The following NBPF6 variants were observed in gnomAD, a reference collection of about 807,000 sequenced individuals.
NBPF6 encodes the protein NBPF member 6.
A neutral mutation model predicts 20.8 loss-of-function variants in NBPF6; 2 were observed. The ratio of observed to expected loss-of-function variants is 0.10; its 90% CI spans 0.04 to 0.30. The LOEUF is 0.30. Ranked by LOEUF, NBPF6 falls within the 10% of genes least tolerant of loss-of-function variation. The pLI is 1.00. For missense variants in NBPF6, 85 were observed against 260.3 expected (o/e 0.33, Z 4.63); for synonymous variants, 24 against 100.0 (o/e 0.24, Z 4.53).
In NBPF6 at chr1:108,459,058, AAAAGC is replaced by A. The variant is rs1653006935; in HGVS notation, c.982_986del (p.Gln328Ter). 7 of 453,088 alleles carry A rather than the reference AAAAGC, an allele frequency of 1.5e-5. No individual in the cohort carries two copies. The highest frequency in any genetic ancestry group is 2.8e-5 in the Non-Finnish European group (7 of 249,974). The allele number at this position is 453,088 out of a possible 1,614,324, so 28.1% of individuals were successfully genotyped here. On this transcript the variant is annotated frameshift_variant and splice_region_variant, in exon 9 of 15. Coordinates refer to ENST00000495380, the MANE Select transcript of NBPF6 (RefSeq NM_001143988.2). LOFTEE classifies it high-confidence loss of function. ...TGGTCTTCTCTTAATTTATTTACAGAAAAGCAAAGTGATCTTGAAGAGGTGAAAGG... is the reference window on the plus strand; with the variant it reads ...TGGTCTTCTCTTAATTTATTTACAGAAAAGTGATCTTGAAGAGGTGAAAGG...
In NBPF6 at chr1:108,471,024, A is replaced by T. The variant is rs4084018; in HGVS notation, c.*386A>T. The T allele has an allele frequency of 6.8e-3, 1,193 of 175,764 alleles. 20 individuals carry two copies. Among genetic ancestry groups the T allele is most frequent in the African/African-American group, 0.027 (1,125 of 42,228 alleles). The allele number at this position is 175,764 out of a possible 1,614,324, so 10.9% of individuals were successfully genotyped here. On this transcript the variant is annotated 3_prime_UTR_variant, in exon 15 of 15. Transcript: ENST00000495380. ...GCTGAAAACGTTTAGCCTGAGTTTCATAGGAGGTAACCCTCAGATAACTGC... is the reference window on the plus strand; with the variant it reads ...GCTGAAAACGTTTAGCCTGAGTTTCTTAGGAGGTAACCCTCAGATAACTGC...
At chr1:108,465,524 G>A in intron 13 of NBPF6, 100 bp downstream of exon 13, 1 of 408,982 alleles carries the variant, frequency 2.4e-6, no homozygotes, top group South Asian at 2.4e-5. Flanking sequence ...TGCTTCCTCA[G>A]GGTCAAGTTG....
the NBPF6 span, among the ~76,000 whole-genome samples, chr1:108,442,642 CATT>C: frequency 7.6e-6 from 1 of 131,270 alleles, no homozygotes; most frequent in Non-Finnish European, 1.6e-5. Flanking sequence ...TATTCAATAT[CATT>C]AGTCACTAGG....
Position 108,471,773 on chromosome 1 carries a change from A to G in NBPF6, c.*1135A>G, listed in dbSNP as rs556831277. On this transcript the variant is annotated 3_prime_UTR_variant, in exon 15 of 15. Coordinates refer to ENST00000495380, the MANE Select transcript of NBPF6 (RefSeq NM_001143988.2). The stretch of plus-strand genomic sequence containing the variant: ...TTAAAGTTAAAATGTTAAAGTTTTA[A>G]ATCACTTTAATTAAATTTTTTTGCC... Among the ~76,000 whole-genome samples, 1 of 152,350 alleles carries G rather than the reference A, an allele frequency of 6.6e-6. No homozygotes were observed. The highest frequency in any genetic ancestry group is 6.5e-5 in the Admixed American group (1 of 15,302).
intron 14 of NBPF6, among the ~76,000 whole-genome samples, chr1:108,468,156 G>A (rs1653251674): frequency 6.6e-6 from 1 of 151,404 alleles, no homozygotes; most frequent in Non-Finnish European, 1.5e-5. Flanking sequence ...TTGTTCCTCT[G>A]AATGAGAAGT....
chr1:108,471,009 T>G lies in NBPF6; in HGVS notation c.*371T>G, dbSNP rs2995754. ...CAATGCCATGTTCTTGCTGAAAACG[T>G]TTAGCCTGAGTTTCATAGGAGGTAA... On this transcript the variant is annotated 3_prime_UTR_variant, in exon 15 of 15. Coordinates refer to ENST00000495380, the MANE Select transcript of NBPF6 (RefSeq NM_001143988.2). 1 of 180,070 alleles carries G rather than the reference T, an allele frequency of 5.6e-6. No homozygotes were observed. The allele number at this position is 180,070 out of a possible 1,614,324, so 11.2% of individuals were successfully genotyped here.
the NBPF6 span, among the ~76,000 whole-genome samples, chr1:108,437,807 A>G: frequency 7.5e-5 from 2 of 26,814 alleles, no homozygotes; most frequent in Admixed American, 4.6e-4. Flanking sequence ...AGGGGAGGGG[A>G]GGAGAGGGAG....
At chr1:108,436,607 A>AG in the NBPF6 span, among the ~76,000 whole-genome samples, 2 of 60,702 alleles carry the variant, frequency 3.3e-5, no homozygotes, top group East Asian at 1.1e-3. Flanking sequence ...AAAAAAAAAA[A>AG]AAAAAAGAAA....
chr1:108,449,431 T>C (rs1362150589), upstream of NBPF6, among the ~76,000 whole-genome samples: 3 of 11,894 alleles, frequency 2.5e-4, no homozygotes, highest in African/African-American at 3.5e-4. Context: ...TATATATATA[T>C]ATATATATAT....
chr1:108,470,076 TCTGTTGTAAAATGTGGA>T, intron 14 of NBPF6, among the ~76,000 whole-genome samples: 1 of 83,002 alleles, frequency 1.2e-5, no homozygotes, highest in African/African-American at 5.2e-5. Flanking sequence ...TCACTACTCC[TCTGTTGTAAAATGTGGA>T]CCTGGACGTG....
rs1340692358 is a variant in NBPF6, at chr1:108,465,327, G to T, written c.1563G>T (p.Gly521=). 5.4e-6 allele frequency: 6 copies of T among 1,121,274 alleles called. 1 individual carries two copies. Among genetic ancestry groups the T allele is most frequent in the Non-Finnish European group, 7.3e-6 (6 of 820,756 alleles). The allele number at this position is 1,121,274 out of a possible 1,614,324, so 69.5% of individuals were successfully genotyped here. A position where few individuals can be genotyped will look rare whatever the true frequency, so the allele number is the denominator to read the frequency against. Residue 521 remains glycine, a synonymous_variant, in exon 13 of 15, where the codon GGG becomes GGT. Coordinates refer to ENST00000495380, the MANE Select transcript of NBPF6 (RefSeq NM_001143988.2). Reference sequence around the variant, plus strand: ...GTCTGCGACTACAGCTGGATCAAGGGTTCCACTGTGGGAACGGCTTGGCCC... The same window carrying T: ...GTCTGCGACTACAGCTGGATCAAGGTTTCCACTGTGGGAACGGCTTGGCCC... The part of the protein sequence containing the change: ...PSCLRLQLDQ[G]FHCGNGLAQR...
chr1:108,436,625 A>G, the NBPF6 span, among the ~76,000 whole-genome samples: 3 of 72,244 alleles, frequency 4.2e-5, no homozygotes, highest in African/African-American at 1.2e-4. Flanking sequence ...AAAAGAAAAG[A>G]AAAAAAGATT....
chr1:108,467,518 C>G lies in NBPF6; in HGVS notation c.1728C>G (p.Gly576=), dbSNP rs1653199666. ...PPQLEDDALE[G]SASNTQGRQV... is the part of the protein sequence containing the mutation. The stretch of plus-strand genomic sequence containing the variant: ...AGCTGGAAGATGATGCACTTGAAGG[C>G]TCAGCAAGCAACACACAAGGGCGTC... Residue 576 remains glycine (G), a synonymous_variant, in exon 14 of 15, where the codon GGC becomes GGG. Transcript: ENST00000495380. The G allele has an allele frequency of 6.5e-7, 1 of 1,548,394 alleles. No individual in the cohort carries two copies. The highest frequency in any genetic ancestry group is 2.0e-5 in the Admixed American group (1 of 50,862).
At position 108,465,244 on chromosome 1, in the gene NBPF6, C is replaced by T. The variant is rs531923017; in HGVS notation, c.1480C>T (p.Arg494Trp). ...GTWSGDLSHH[R>W]SEVQISQAQL... ...TTGGAGTGGAGACTTGAGCCACCAC[C>T]GGTCAGAGGTTCAAATTTCACAGGC... Residue 494 changes from arginine (R) to tryptophan (W), a missense_variant, in exon 13 of 15, where the codon CGG (arginine) becomes TGG (tryptophan). Arg to Trp is a moderately radical substitution (Grantham distance 101). Coordinates refer to ENST00000495380, the MANE Select transcript of NBPF6 (RefSeq NM_001143988.2). 69 of 1,195,836 alleles carry T rather than the reference C, an allele frequency of 5.8e-5. 22 individuals carry two copies. The Middle Eastern group carries it at 2.0e-3, about 34-fold the overall frequency. 74.1% of individuals were successfully genotyped at this position (1,195,836 alleles called of 1,614,324 possible).
the NBPF6 span, among the ~76,000 whole-genome samples, chr1:108,435,907 C>T: frequency 7.0e-5 from 6 of 86,142 alleles, no homozygotes; most frequent in South Asian, 3.7e-4. Context: ...CAGGATACAA[C>T]GTCAATATAC....
In NBPF6 at chr1:108,471,302, A is replaced by C. The variant is rs1377706260; in HGVS notation, c.*664A>C. On this transcript the variant is annotated 3_prime_UTR_variant, in exon 15 of 15. Transcript: ENST00000495380. ...CTCTGGCTCAATGGTCTACATTCTGAAGTTATCTGAAAATGTCGTCATGAT... is the reference window on the plus strand; with the variant it reads ...CTCTGGCTCAATGGTCTACATTCTGCAGTTATCTGAAAATGTCGTCATGAT... Among the ~76,000 whole-genome samples the C allele has an allele frequency of 6.6e-6, 1 of 152,132 alleles. No individual in the cohort carries two copies. The highest frequency in any genetic ancestry group is 1.5e-5 in the Non-Finnish European group (1 of 68,018).
At chr1:108,448,394 A>G (rs895884856), upstream of NBPF6, among the ~76,000 whole-genome samples, 2 of 149,344 alleles carry the variant, frequency 1.3e-5, no homozygotes, top group Admixed American at 6.6e-5. Flanking sequence ...CAAGTCTCAT[A>G]TTTCTCTTGT....
chr1:108,428,319 C>CT, the NBPF6 span, among the ~76,000 whole-genome samples: 2 of 13,300 alleles, frequency 1.5e-4, no homozygotes, highest in African/African-American at 3.0e-4. Context: ...TATTTCTTTT[C>CT]TTTTTTTTTT....
upstream of NBPF6, among the ~76,000 whole-genome samples, chr1:108,447,969 G>T (rs1454006175): frequency 2.0e-5 from 3 of 146,772 alleles, no homozygotes; most frequent in Non-Finnish European, 4.5e-5. Context: ...AAAATATCAA[G>T]TCCAGGGCAT....
Sources: allele counts gnomAD v4.1 joint callset (sites outside exome capture counted in the v4.1 genomes callset), GRCh38; gene constraint gnomAD v4.1.1; transcripts MANE v1.5; gene names NCBI Gene and HGNC (gene_info 2026-07-23, HGNC 2026-07-21).